LRRK1: variants seen among roughly 807,000 people sequenced by gnomAD.
The protein encoded by LRRK1 is leucine-rich repeat serine/threonine-protein kinase 1.
A neutral mutation model predicts 209.1 loss-of-function variants in LRRK1; 113 were observed. The observed-to-expected ratio is 0.54, with a 90% CI of 0.46 to 0.63. LRRK1 has a LOEUF of 0.63. LRRK1 is among the 30% of genes least tolerant of loss of function. The pLI is 0.00. For missense variants in LRRK1, 2,284 were observed against 2,632.2 expected, an observed-to-expected ratio of 0.87 and a Z score of 2.89; for synonymous variants, 1,144 against 1,099.7, an observed-to-expected ratio of 1.04 and a Z score of -0.80.
At chr15:100,994,655 A>G (rs1417648880) in intron 6 of LRRK1, among the ~76,000 whole-genome samples, 3 of 152,358 alleles carry the variant, frequency 2.0e-5, no homozygotes, top group South Asian at 2.1e-4. Flanking sequence ...GTTGCGTGGA[A>G]TCAGAAGAGG....
At chr15:100,956,917 G>A (rs1447967648) in intron 2 of LRRK1, among the ~76,000 whole-genome samples, 1 of 152,130 alleles carries the variant, frequency 6.6e-6, no homozygotes, top group African/African-American at 2.4e-5. Context: ...TTTGCTTAAT[G>A]TAGGCATTTC....
At chr15:101,011,939 A>G in intron 9 of LRRK1, 69 bp from the exon 10 acceptor site, 3 of 1,101,886 alleles carry the variant, frequency 2.7e-6, no homozygotes, top group South Asian at 3.0e-5. Context: ...ATTTGGAAAC[A>G]GTCTCAAAGG....
chr15:101,052,059 C>A (rs944595891), intron 24 of LRRK1, 99 bp downstream of exon 24: 1 of 1,411,426 alleles, frequency 7.1e-7, no homozygotes, highest in Non-Finnish European at 9.6e-7. Flanking sequence ...CCCTCTGGGG[C>A]GGGCAGGTGC....
chr15:101,061,334 C>T (rs757324483), intron 30 of LRRK1, 46 bp downstream of exon 30: 6 of 1,354,558 alleles, frequency 4.4e-6, no homozygotes, highest in African/African-American at 2.9e-5. Context: ...GCACTGCCCA[C>T]TGGGTGCAGC....
intron 2 of LRRK1, among the ~76,000 whole-genome samples, chr15:100,960,317 G>A (rs2042852467): frequency 2.6e-5 from 3 of 114,664 alleles, no homozygotes; most frequent in African/African-American, 6.7e-5. Flanking sequence ...TAAATGTGTA[G>A]AACTATTCTT....
chr15:101,047,588 G>C (rs1333296256), intron 21 of LRRK1, among the ~76,000 whole-genome samples: 1 of 152,244 alleles, frequency 6.6e-6, no homozygotes, highest in Non-Finnish European at 1.5e-5. Context: ...AGGGGGAAAA[G>C]AGTGCAGTCT....
rs760094946 is a variant in LRRK1, at chr15:101,046,134, G to A, written c.3117G>A (p.Leu1039=). Residue 1039 remains leucine, a synonymous_variant, in exon 21 of 34, where the codon CTG becomes CTA. Transcript: ENST00000388948. Reference sequence around the variant, plus strand: ...TTATAGCACGGATGCTGATCAGCCTGGCGGAGATGGACCTGCAGGTATTAT... The same window carrying A: ...TTATAGCACGGATGCTGATCAGCCTAGCGGAGATGGACCTGCAGGTATTAT... ...QRFIARMLIS[L]AEMDLQLFEN... 2 of 1,614,240 alleles carry A rather than the reference G, an allele frequency of 1.2e-6. No individual in the cohort carries two copies. The highest frequency in any genetic ancestry group is 1.7e-6 in the Non-Finnish European group (2 of 1,180,038).
chr15:100,975,813 A>T (rs2031262037), intron 3 of LRRK1, among the ~76,000 whole-genome samples: 1 of 152,246 alleles, frequency 6.6e-6, no homozygotes, highest in African/African-American at 2.4e-5. Context: ...AAGGTAAAGA[A>T]AGTAGAAGCC....
chr15:100,988,214 C>T (rs904210748), intron 4 of LRRK1, among the ~76,000 whole-genome samples: 1 of 152,112 alleles, frequency 6.6e-6, no homozygotes, highest in African/African-American at 2.4e-5. Flanking sequence ...TGCATGTTGC[C>T]GGGGTTCGGT....
rs778013353 is a variant in LRRK1, at chr15:100,988,725, G to A, written c.525G>A (p.Thr175=). The change falls in exon 5 of 34, where the codon ACG becomes ACA. Residue 175 remains threonine (T), a synonymous_variant. Coordinates refer to ENST00000388948, the MANE Select transcript of LRRK1 (RefSeq NM_024652.6). ...HLGVVKLLVL[T]HGADPESYAV... is the part of the protein sequence containing the mutation. ...GGGTTGTGAAGCTCCTGGTCCTGAC[G>A]CACGGGGCTGACCCGGAGAGCTACG... The A allele has an allele frequency of 2.7e-5, 43 of 1,614,010 alleles. No homozygotes were observed. The highest frequency in any genetic ancestry group is 6.7e-5 in the Admixed American group (4 of 60,006).
intron 22 of LRRK1, among the ~76,000 whole-genome samples, chr15:101,048,863 C>T (rs999279279): frequency 4.6e-5 from 7 of 152,230 alleles, no homozygotes; most frequent in African/African-American, 1.7e-4. Context: ...GCCCCCCTTG[C>T]AGGACGGGAA....
intron 6 of LRRK1, among the ~76,000 whole-genome samples, chr15:101,000,034 C>G (rs2032613203): frequency 6.6e-6 from 1 of 152,216 alleles, no homozygotes; most frequent in Admixed American, 6.5e-5. Flanking sequence ...TATTTTTTAA[C>G]AGACATGCTA....
chr15:101,001,998 GGGCC>G (rs1234537592), intron 6 of LRRK1, among the ~76,000 whole-genome samples: 1 of 152,200 alleles, frequency 6.6e-6, no homozygotes, highest in African/African-American at 2.4e-5. Flanking sequence ...TATGTCACAG[GGGCC>G]AGGAATCGTT....
chr15:101,062,415 C>G lies in LRRK1; in HGVS notation c.4798-159C>G, dbSNP rs985805557. ...TCTTTTTCAACGTTTCTACAAAGAG[C>G]AGAAATCCATAAACAACCCACCAGA... On this transcript the variant is annotated intron_variant, in intron 30 of 33. Coordinates refer to ENST00000388948, the MANE Select transcript of LRRK1 (RefSeq NM_024652.6). 4 of 598,470 alleles carry G rather than the reference C, an allele frequency of 6.7e-6. No individual in the cohort carries two copies. The South Asian group carries it at 8.4e-5, about 13-fold the overall frequency. The allele number at this position is 598,470 out of a possible 1,614,324, so 37.1% of individuals were successfully genotyped here.
chr15:101,075,761 C>T lies in LRRK1; in HGVS notation c.*6913C>T, dbSNP rs1490504515. The T allele has an allele frequency of 6.6e-6, 1 of 151,824 alleles. No individual in the cohort carries two copies. Among genetic ancestry groups the T allele is most frequent in the Non-Finnish European group, 1.5e-5 (1 of 68,038 alleles). The allele number at this position is 151,824 out of a possible 1,614,324, so 9.4% of individuals were successfully genotyped here. ...CTCTCCTATCCTCAATACCTCACTC[C>T]ATAATCCATTATTGTGTTCTGGATC... On this transcript the variant is annotated 3_prime_UTR_variant, in exon 34 of 34. Coordinates refer to ENST00000388948, the MANE Select transcript of LRRK1 (RefSeq NM_024652.6).
chr15:101,021,170 T>C lies in LRRK1; in HGVS notation c.1727T>C (p.Leu576Pro), dbSNP rs780592294. ...TGCCTACTGAAGAGCTTATCAGAGC[T>C]CTACTTGGGAAAGTAAGTACACATC... ...SVCLLKSLSELYLGNNPGLRE... is the reference protein window; with the variant it reads ...SVCLLKSLSEPYLGNNPGLRE... Residue 576 changes from leucine to proline, a missense_variant, in exon 13 of 34, where the codon CTC becomes CCC. Leu to Pro is a moderately conservative substitution (Grantham distance 98). Coordinates refer to ENST00000388948, the MANE Select transcript of LRRK1 (RefSeq NM_024652.6). 1 of 1,613,834 alleles carries C rather than the reference T, an allele frequency of 6.2e-7. No homozygotes were observed. Among genetic ancestry groups the C allele is most frequent in the Non-Finnish European group, 8.5e-7 (1 of 1,179,918 alleles).
In LRRK1 at chr15:101,070,423, G is replaced by A. The variant is rs1284300452; in HGVS notation, c.*1575G>A. ...TTCTCTCACCCTCATCCCACAGCAG[G>A]GTCTCAGGAGTCCCACTCTCCCTCT... On this transcript the variant is annotated 3_prime_UTR_variant, in exon 34 of 34. Transcript: ENST00000388948. 1 of 151,138 alleles carries A rather than the reference G, an allele frequency of 6.6e-6. No individual in the cohort carries two copies. Among genetic ancestry groups the A allele is most frequent in the African/African-American group, 2.4e-5 (1 of 40,954 alleles). The allele number at this position is 151,138 out of a possible 1,614,324, so 9.4% of individuals were successfully genotyped here.
At chr15:101,017,530 G>A (rs1224686777) in intron 12 of LRRK1, among the ~76,000 whole-genome samples, 1 of 152,156 alleles carries the variant, frequency 6.6e-6, no homozygotes, top group Non-Finnish European at 1.5e-5. Flanking sequence ...GTGGGCCAGT[G>A]AGCATCAGCG....
intron 20 of LRRK1, among the ~76,000 whole-genome samples, chr15:101,030,744 C>T (rs1321710001): frequency 6.6e-6 from 1 of 152,188 alleles, no homozygotes; most frequent in Non-Finnish European, 1.5e-5. Context: ...ATACCTGCTT[C>T]TGTTTTTGTT....
Sources: gnomAD v4.1 joint callset for allele counts (sites outside exome capture counted in the v4.1 genomes callset) on GRCh38, gnomAD v4.1.1 for gene constraint, MANE v1.5 for transcripts, NCBI Gene and HGNC (gene_info 2026-07-23, HGNC 2026-07-21) for gene names.